The following ABTB2 variants were observed in gnomAD, a reference collection of about 807,000 sequenced individuals.
The protein encoded by ABTB2 is ankyrin repeat and BTB domain containing 2, also known as ankyrin repeat and BTB/POZ domain-containing protein 2.
Under a neutral mutation model 104.1 loss-of-function variants are expected in ABTB2, and 56 were observed. The observed-to-expected ratio is 0.54, with a 90% CI of 0.43 to 0.67. The LOEUF is 0.67. Among genes scored for constraint, ABTB2 ranks in the 30% least tolerant of loss-of-function variants. The pLI, the probability that ABTB2 is intolerant of heterozygous loss-of-function variation, is 0.00. For synonymous variants in ABTB2, 606 were observed against 608.2 expected, an observed-to-expected ratio of 1.00 and a Z score of 0.05; for missense variants, 1,279 against 1,407.7, an observed-to-expected ratio of 0.91 and a Z score of 1.46.
chr11:34,153,874 G>A (rs1308526892), intron 16 of ABTB2, among the ~76,000 whole-genome samples: 1 of 152,210 alleles, frequency 6.6e-6, no homozygotes, highest in African/African-American at 2.4e-5. Context: ...TTGAGTCTGA[G>A]CAACTGAGCA....
intron 1 of ABTB2, among the ~76,000 whole-genome samples, chr11:34,294,173 A>T (rs1424727639): frequency 6.6e-6 from 1 of 152,104 alleles, no homozygotes; most frequent in African/African-American, 2.4e-5. Flanking sequence ...CTCTACAAAA[A>T]ATTTAAAAAG....
intron 2 of ABTB2, among the ~76,000 whole-genome samples, chr11:34,202,420 T>C (rs1853354062): frequency 6.6e-6 from 1 of 151,878 alleles, no homozygotes; most frequent in Non-Finnish European, 1.5e-5. Context: ...TGAAGTCAGA[T>C]CATATATGGA....
chr11:34,318,307 T>C (rs1006295046), intron 1 of ABTB2, among the ~76,000 whole-genome samples: 1 of 152,174 alleles, frequency 6.6e-6, no homozygotes, highest in Admixed American at 6.5e-5. Flanking sequence ...TTTTTCCATC[T>C]TTATGTCCAT....
At chr11:34,311,654 A>C (rs1450184704) in intron 1 of ABTB2, among the ~76,000 whole-genome samples, 1 of 152,204 alleles carries the variant, frequency 6.6e-6, no homozygotes, top group East Asian at 1.9e-4. Flanking sequence ...TTTTTTGAAA[A>C]GAAGGTGTCC....
intron 1 of ABTB2, among the ~76,000 whole-genome samples, chr11:34,286,835 G>T (rs1229876714): frequency 2.6e-5 from 4 of 152,176 alleles, no homozygotes; most frequent in African/African-American, 9.7e-5. Context: ...CTGAGTAAAA[G>T]AAACCAGCCT....
intron 1 of ABTB2, among the ~76,000 whole-genome samples, chr11:34,218,919 A>G (rs188743726): frequency 4.0e-5 from 6 of 149,334 alleles, no homozygotes; most frequent in Non-Finnish European, 8.9e-5. Context: ...TGAGTTGACT[A>G]TGTTTATGTA....
chr11:34,253,045 C>A (rs188544346), intron 1 of ABTB2, among the ~76,000 whole-genome samples: 2 of 152,172 alleles, frequency 1.3e-5, no homozygotes, highest in African/African-American at 4.8e-5. Flanking sequence ...AAGGCTCAGT[C>A]CAAGTGATCT....
In ABTB2 at chr11:34,357,448, C is replaced by A. The variant is rs950859542; in HGVS notation, c.136G>T (p.Ala46Ser). 1.9e-6 allele frequency: 3 copies of A among 1,548,324 alleles called. No individual in the cohort carries two copies. The African/African-American group carries it at 4.1e-5, about 21-fold the overall frequency. Residue 46 changes from alanine to serine, a missense_variant, in exon 1 of 17, where the codon GCG becomes TCG. Ala to Ser is a moderately conservative substitution (Grantham distance 99). Transcript: ENST00000435224. ...CAGGCCGCCCCGCGGTGCTGCTGCG[C>A]CGAAGAGTTGAGCGCCTGCGAGTTG... ...KSNSQALNSS[A>S]QQHRGAAWWC...
chr11:34,271,504 C>T (rs1854313311), intron 1 of ABTB2, among the ~76,000 whole-genome samples: 1 of 152,056 alleles, frequency 6.6e-6, no homozygotes, highest in Non-Finnish European at 1.5e-5. Flanking sequence ...TTTGGAAGGC[C>T]AAGATGGGAG....
intron 1 of ABTB2, among the ~76,000 whole-genome samples, chr11:34,332,152 G>A (rs1855138475): frequency 6.6e-6 from 1 of 152,214 alleles, no homozygotes; most frequent in East Asian, 1.9e-4. Context: ...GGGCAGGACT[G>A]TAACTTTTCG....
In ABTB2 at chr11:34,191,479, A is replaced by C. The variant is rs1231730068; in HGVS notation, c.1244+5846T>G. On this transcript the variant is annotated intron_variant, in intron 3 of 16. Transcript: ENST00000435224. Reference sequence around the variant, plus strand: ...CTGAGCAGGTCCTGCTAGCCCTAGCAAAAAGAGCTCTATGTGAGTTGGAGA... The same window carrying C: ...CTGAGCAGGTCCTGCTAGCCCTAGCCAAAAGAGCTCTATGTGAGTTGGAGA... Among the ~76,000 whole-genome samples the C allele has an allele frequency of 3.3e-5, 5 of 152,216 alleles. No homozygotes were observed. In the East Asian group the frequency reaches 9.6e-4, roughly 29 times the overall value.
At chr11:34,165,115 C>T (rs1172695098) in intron 8 of ABTB2, 145 bp downstream of exon 8, 2 of 804,760 alleles carry the variant, frequency 2.5e-6, no homozygotes, top group Non-Finnish European at 3.8e-6. Context: ...GGGAAGCCCC[C>T]AGTGGTCCAG....
chr11:34,287,984 C>T (rs1854525964), intron 1 of ABTB2, among the ~76,000 whole-genome samples: 1 of 152,104 alleles, frequency 6.6e-6, no homozygotes, highest in Non-Finnish European at 1.5e-5. Context: ...AATGAATAAG[C>T]CACGAGGAAG....
intron 1 of ABTB2, among the ~76,000 whole-genome samples, chr11:34,222,098 G>A (rs1407563387): frequency 6.6e-6 from 1 of 152,134 alleles, no homozygotes; most frequent in African/African-American, 2.4e-5. Flanking sequence ...TGTCTGGAAA[G>A]GTGGGACAAC....
In ABTB2 at chr11:34,357,228, T is replaced by C. The variant is rs1413748275; in HGVS notation, c.356A>G (p.Gln119Arg). ...RKGAGGRRLPQFSAEAVRRLA... is the reference protein window; with the variant it reads ...RKGAGGRRLPRFSAEAVRRLA... ...GCGCCTCACCGCCTCGGCGGAGAACTGGGGCAGCCGCCGGCCGCCAGCGCC... is the reference window on the plus strand; with the variant it reads ...GCGCCTCACCGCCTCGGCGGAGAACCGGGGCAGCCGCCGGCCGCCAGCGCC... The change falls in exon 1 of 17, where the codon CAG (glutamine) becomes CGG (arginine). Residue 119 changes from glutamine (Q) to arginine (R), a missense_variant. Transcript: ENST00000435224. 12 of 1,508,632 alleles carry C rather than the reference T, an allele frequency of 8.0e-6. No individual in the cohort carries two copies. In the South Asian group the frequency reaches 1.4e-4, roughly 17 times the overall value. 93.5% of individuals were successfully genotyped at this position (1,508,632 alleles called of 1,614,324 possible).
intron 1 of ABTB2, among the ~76,000 whole-genome samples, chr11:34,264,037 C>G (rs1854218582): frequency 6.6e-6 from 1 of 152,126 alleles, no homozygotes; most frequent in African/African-American, 2.4e-5. Flanking sequence ...CAGTGGTCTT[C>G]CAGGGTAAGT....
At chr11:34,169,150 C>T (rs2957527) in intron 5 of ABTB2, among the ~76,000 whole-genome samples, 148,148 of 152,304 alleles carry the variant, frequency 0.97, 72,168 homozygotes, top group East Asian at 1. Context: ...CATCTCCCTG[C>T]GGACAGACTT....
chr11:34,152,775 C>T (rs1283103160), intron 16 of ABTB2, among the ~76,000 whole-genome samples, 191 bp from the exon 17 acceptor site: 1 of 152,222 alleles, frequency 6.6e-6, no homozygotes, highest in Non-Finnish European at 1.5e-5. Context: ...CGTCATTTTC[C>T]TGCCTGTGTC....
intron 1 of ABTB2, among the ~76,000 whole-genome samples, chr11:34,333,439 C>T (rs1826891838): frequency 6.6e-6 from 1 of 152,078 alleles, no homozygotes; most frequent in Admixed American, 6.6e-5. Context: ...AACAAACAAA[C>T]AAAATTCCCA....
Sources: allele counts gnomAD v4.1 joint callset (sites outside exome capture counted in the v4.1 genomes callset), GRCh38; gene constraint gnomAD v4.1.1; transcripts MANE v1.5; gene names NCBI Gene and HGNC (gene_info 2026-07-23, HGNC 2026-07-21).